The following DLG2 variants were observed in gnomAD, a reference collection of about 807,000 sequenced individuals.
The protein encoded by DLG2 is disks large homolog 2.
A neutral mutation model predicts 132.5 loss-of-function variants in DLG2; 45 were observed. The ratio of observed to expected loss-of-function variants is 0.34; its 90% CI spans 0.27 to 0.44. DLG2 has a LOEUF of 0.44. DLG2 is among the 20% of genes least tolerant of loss of function. The probability of loss-of-function intolerance (pLI) is 1.00; values close to 1 mark genes in which losing one functional copy is unlikely to be tolerated. For missense variants in DLG2, 1,045 were observed against 1,196.9 expected (o/e 0.87, Z 1.87); for synonymous variants, 424 against 419.6 (o/e 1.01, Z -0.13).
At chr11:83,814,309 T>C (rs2048227999) in intron 17 of DLG2, among the ~76,000 whole-genome samples, 1 of 152,160 alleles carries the variant, frequency 6.6e-6, no homozygotes, top group South Asian at 2.1e-4. Context: ...ATAAAAGCGA[T>C]AGAGGCTAAA....
At chr11:83,828,540 G>A (rs1245353028) in intron 17 of DLG2, among the ~76,000 whole-genome samples, 2 of 152,152 alleles carry the variant, frequency 1.3e-5, no homozygotes, top group Non-Finnish European at 2.9e-5. Flanking sequence ...AGGTAAACAT[G>A]TTTTTTAGAA....
At chr11:83,675,755 G>A (rs2077571109) in intron 18 of DLG2, among the ~76,000 whole-genome samples, 3 of 152,266 alleles carry the variant, frequency 2.0e-5, no homozygotes, top group South Asian at 2.1e-4. Flanking sequence ...TAGTGCCAAC[G>A]TAAAGATAGG....
chr11:84,967,994 TAATC>T (rs1203319322), intron 6 of DLG2, among the ~76,000 whole-genome samples: 1 of 152,032 alleles, frequency 6.6e-6, no homozygotes, highest in Admixed American at 6.6e-5. Context: ...TTGTTAGAAA[TAATC>T]AAAGAAGCAA....
At chr11:85,604,644 A>G (rs1291616848) in intron 2 of DLG2, among the ~76,000 whole-genome samples, 1 of 152,004 alleles carries the variant, frequency 6.6e-6, no homozygotes, top group East Asian at 1.9e-4. Flanking sequence ...AAAAAAAAAA[A>G]GCTAAATTTG....
intron 18 of DLG2, among the ~76,000 whole-genome samples, chr11:83,780,201 T>C (rs543847555): frequency 2.0e-5 from 3 of 152,352 alleles, no homozygotes; most frequent in South Asian, 2.1e-4. Flanking sequence ...TTGGATGGCG[T>C]ATGTACTTTC....
intron 6 of DLG2, among the ~76,000 whole-genome samples, chr11:84,914,664 A>C: frequency 6.6e-6 from 1 of 152,204 alleles, no homozygotes; most frequent in East Asian, 1.9e-4. Context: ...AGTCATCAAA[A>C]CCAAATGGAT....
intron 11 of DLG2, among the ~76,000 whole-genome samples, chr11:84,049,940 T>C (rs1266597716): frequency 1.3e-5 from 2 of 151,582 alleles, no homozygotes; most frequent in African/African-American, 4.8e-5. Context: ...AGAGAAGACA[T>C]TCAAAGTTGG....
chr11:83,542,593 G>T (rs966352539), intron 19 of DLG2, among the ~76,000 whole-genome samples: 1 of 152,140 alleles, frequency 6.6e-6, no homozygotes, highest in African/African-American at 2.4e-5. Flanking sequence ...ATTGCTTTCT[G>T]TATCATGCTG....
intron 6 of DLG2, among the ~76,000 whole-genome samples, chr11:84,703,889 T>TATATATATATATATATATATATATAC (rs1209326577): frequency 4.5e-5 from 3 of 66,126 alleles, no homozygotes; most frequent in Non-Finnish European, 7.7e-5. Context: ...TATATACACG[T>TATATATATATATATATATATATATAC]GTGTGTGTGT....
intron 7 of DLG2, among the ~76,000 whole-genome samples, chr11:84,356,461 G>A (rs2098612394): frequency 6.6e-6 from 1 of 152,008 alleles, no homozygotes. Flanking sequence ...CATGGCATTT[G>A]GAAACAAGAC....
chr11:84,258,947 A>G (rs2097516212), intron 7 of DLG2, among the ~76,000 whole-genome samples: 1 of 152,152 alleles, frequency 6.6e-6, no homozygotes, highest in African/African-American at 2.4e-5. Flanking sequence ...TTTCCAGTTA[A>G]CCTATTTCTC....
intron 7 of DLG2, among the ~76,000 whole-genome samples, chr11:84,325,902 T>G (rs1345612400): frequency 2.0e-5 from 3 of 152,154 alleles, no homozygotes; most frequent in Admixed American, 6.5e-5. Context: ...GGGGAAGCTT[T>G]TGATTACTAA....
At chr11:85,324,011 G>T (rs550677862) in intron 3 of DLG2, among the ~76,000 whole-genome samples, 3 of 152,194 alleles carry the variant, frequency 2.0e-5, no homozygotes, top group Non-Finnish European at 4.4e-5. Context: ...TCTCAGACTG[G>T]TGGGGAGTGA....
chr11:83,794,487 TG>T (rs1021074341), intron 17 of DLG2, among the ~76,000 whole-genome samples: 4 of 148,078 alleles, frequency 2.7e-5, no homozygotes, highest in African/African-American at 9.8e-5. Context: ...CTTTTTCACC[TG>T]GATGCATGGA....
At chr11:84,800,744 G>A (rs551395374) in intron 6 of DLG2, 2 of 152,242 alleles carry the variant, frequency 1.3e-5, no homozygotes, top group Non-Finnish European at 2.9e-5. Context: ...TTCTCTAGTT[G>A]ATATGACTAT....
intron 11 of DLG2, among the ~76,000 whole-genome samples, chr11:84,021,496 C>T (rs1470446473): frequency 6.6e-6 from 1 of 152,148 alleles, no homozygotes; most frequent in African/African-American, 2.4e-5. Context: ...CTTAGAACTT[C>T]TTCCAGTCTG....
At chr11:84,752,221 C>T (rs923257033) in intron 6 of DLG2, among the ~76,000 whole-genome samples, 1 of 152,124 alleles carries the variant, frequency 6.6e-6, no homozygotes, top group African/African-American at 2.4e-5. Context: ...TTCCTTCATT[C>T]ACTTAAGTAT....
intron 6 of DLG2, among the ~76,000 whole-genome samples, chr11:85,039,499 C>T (rs919761458): frequency 6.6e-6 from 1 of 151,918 alleles, no homozygotes. Flanking sequence ...CTTGGCATTT[C>T]TGAGCCATGG....
chr11:84,434,000 C>T (rs2098992894), intron 7 of DLG2, among the ~76,000 whole-genome samples: 2 of 151,782 alleles, frequency 1.3e-5, no homozygotes, highest in Admixed American at 1.3e-4. Flanking sequence ...CACATGTGTT[C>T]CCAGCTACTC....
Sources: gnomAD v4.1 joint callset for allele counts (sites outside exome capture counted in the v4.1 genomes callset) on GRCh38, gnomAD v4.1.1 for gene constraint, MANE v1.5 for transcripts, NCBI Gene and HGNC (gene_info 2026-07-23, HGNC 2026-07-21) for gene names.